The following NOTCH1 variants were observed in gnomAD, a reference collection of about 807,000 sequenced individuals.
NOTCH1 encodes notch receptor 1, also known as neurogenic locus notch homolog protein 1.
Under a neutral mutation model 254.8 loss-of-function variants are expected in NOTCH1, and 37 were observed. The observed-to-expected ratio is 0.15, with a 90% CI of 0.11 to 0.19. The LOEUF (loss-of-function observed/expected upper bound fraction) is 0.19. Ranked by LOEUF, NOTCH1 falls within the 10% of genes least tolerant of loss-of-function variation. The pLI, the probability that NOTCH1 is intolerant of heterozygous loss-of-function variation, is 1.00. For missense variants in NOTCH1, 2,972 were observed against 3,708.6 expected, an observed-to-expected ratio of 0.80 and a Z score of 5.16; for synonymous variants, 1,731 against 1,618.1, an observed-to-expected ratio of 1.07 and a Z score of -1.68.
intron 2 of NOTCH1, among the ~76,000 whole-genome samples, chr9:136,527,388 C>T (rs954331986): frequency 1.4e-4 from 22 of 152,236 alleles, no homozygotes; most frequent in Non-Finnish European, 2.8e-4. Flanking sequence ...GCTGTCCCGG[C>T]GGCCAGGTGG....
chr9:136,498,776 G>C, intron 33 of NOTCH1, 123 bp downstream of exon 33: 1 of 1,148,946 alleles, frequency 8.7e-7, no homozygotes, highest in African/African-American at 1.5e-5. Flanking sequence ...CCACATGCGG[G>C]CCCAGCGACC....
Position 136,495,732 on chromosome 9 carries a change from T to C in NOTCH1, c.*339A>G. The C allele has an allele frequency of 2.4e-6, 1 of 409,698 alleles. No individual in the cohort carries two copies. Among genetic ancestry groups the C allele is most frequent in the East Asian group, 3.5e-5 (1 of 28,832 alleles). 25.4% of individuals were successfully genotyped at this position (409,698 alleles called of 1,614,324 possible). ...AAGGAATCAATAAATAAATGGCATT[T>C]ATAAATCATGAATCTTTGTTTATAT... On this transcript the variant is annotated 3_prime_UTR_variant, in exon 34 of 34. Coordinates refer to ENST00000651671, the MANE Select transcript of NOTCH1 (RefSeq NM_017617.5).
rs760109648 is a variant in NOTCH1, at chr9:136,504,631, G to A, written c.5018+42C>T. 23 of 1,476,234 alleles carry A rather than the reference G, an allele frequency of 1.6e-5. No individual in the cohort carries two copies. The African/African-American group carries it at 3.1e-4, about 20-fold the overall frequency. The allele number at this position is 1,476,234 out of a possible 1,614,324, so 91.4% of individuals were successfully genotyped here. ...AGGGAGGCCGTCGGGGAGGGCCCAG[G>A]AGAGTTGCGGGGATTGACCGTGGGC... On this transcript the variant is annotated intron_variant, in intron 26 of 33. Transcript: ENST00000651671.
In NOTCH1 at chr9:136,517,291, G is replaced by C. The variant is rs771150144; in HGVS notation, c.1536C>G (p.Phe512Leu). 1 of 1,606,696 alleles carries C rather than the reference G, an allele frequency of 6.2e-7. No homozygotes were observed. Among genetic ancestry groups the C allele is most frequent in the South Asian group, 1.1e-5 (1 of 90,000 alleles). Residue 512 changes from phenylalanine to leucine, a missense_variant, in exon 9 of 34, where the codon TTC (phenylalanine) becomes TTG (leucine). Physicochemically the swap from Phe to Leu is conservative, Grantham distance 22. Coordinates refer to ENST00000651671, the MANE Select transcript of NOTCH1 (RefSeq NM_017617.5). ...CCTCACCCGTGGGGCACTCGCACTG[G>C]AACTCATTGATCTTGTCCAGGCAGC... ...NGRCLDKINE[F>L]QCECPTGFTG...
intron 2 of NOTCH1, among the ~76,000 whole-genome samples, chr9:136,534,775 G>A (rs1047091876): frequency 1.1e-4 from 17 of 152,012 alleles, no homozygotes; most frequent in South Asian, 4.1e-4. Context: ...AGGTGTGGAT[G>A]TCAGAGGCAA....
intron 30 of NOTCH1, among the ~76,000 whole-genome samples, chr9:136,501,267 C>T (rs919293287): frequency 1.3e-5 from 2 of 151,930 alleles, no homozygotes; most frequent in Non-Finnish European, 2.9e-5. Flanking sequence ...AACCCCATCG[C>T]TGCTAAAAAT....
At chr9:136,542,827 G>A (rs896079922) in intron 2 of NOTCH1, 3 of 152,192 alleles carry the variant, frequency 2.0e-5, no homozygotes, top group Non-Finnish European at 2.9e-5. Context: ...GGGGGCGGAG[G>A]GAACTCTTTT....
At chr9:136,531,824 G>A (rs1029936229) in intron 2 of NOTCH1, among the ~76,000 whole-genome samples, 6 of 152,240 alleles carry the variant, frequency 3.9e-5, no homozygotes, top group African/African-American at 7.2e-5. Flanking sequence ...CGATTCGGCC[G>A]CAGATGGACG....
chr9:136,527,833 G>A (rs557272308), intron 2 of NOTCH1, among the ~76,000 whole-genome samples: 18 of 152,258 alleles, frequency 1.2e-4, no homozygotes, highest in African/African-American at 4.1e-4. Flanking sequence ...GACTCCAGGA[G>A]GGCTGCGGGG....
At chr9:136,528,999 C>T (rs561561007) in intron 2 of NOTCH1, among the ~76,000 whole-genome samples, 49 of 152,310 alleles carry the variant, frequency 3.2e-4, no homozygotes, top group Admixed American at 2.8e-3. Flanking sequence ...GGCTTTCTGC[C>T]CAGAGGGGAG....
chr9:136,516,657 C>G (rs1202038133), intron 9 of NOTCH1, among the ~76,000 whole-genome samples: 7 of 152,110 alleles, frequency 4.6e-5, no homozygotes, highest in Non-Finnish European at 8.8e-5. Flanking sequence ...CAGCATCGAG[C>G]CCTCAGAAAG....
intron 2 of NOTCH1, among the ~76,000 whole-genome samples, chr9:136,526,583 G>A (rs1035327252): frequency 3.9e-5 from 6 of 152,148 alleles, no homozygotes; most frequent in African/African-American, 1.2e-4. Flanking sequence ...CTGGAGGTCC[G>A]AGCCCCTAGA....
rs1842907462 is a variant in NOTCH1, at chr9:136,495,983, C to A, written c.*88G>T. 7.3e-7 allele frequency: 1 copy of A among 1,378,924 alleles called. No homozygotes were observed. 85.4% of individuals were successfully genotyped at this position (1,378,924 alleles called of 1,614,324 possible). A position where few individuals can be genotyped will look rare whatever the true frequency, so the allele number is the denominator to read the frequency against. ...TATAAAAACATGTGTTTTAAAAAGGCTCCTCTGGTCGGCCCTGGCATCCAC... is the reference window on the plus strand; with the variant it reads ...TATAAAAACATGTGTTTTAAAAAGGATCCTCTGGTCGGCCCTGGCATCCAC... On this transcript the variant is annotated 3_prime_UTR_variant, in exon 34 of 34. Coordinates refer to ENST00000651671, the MANE Select transcript of NOTCH1 (RefSeq NM_017617.5).
intron 2 of NOTCH1, chr9:136,543,344 C>CG: frequency 4.3e-6 from 1 of 233,018 alleles, no homozygotes; most frequent in Non-Finnish European, 8.7e-6. Context: ...GGAGGTATCA[C>CG]CACCCAGAGG....
Position 136,540,999 on chromosome 9 carries a change from C to T in NOTCH1, c.140+3025G>A, listed in dbSNP as rs560466353. ...CAAAACAAAGAGAAAAAAGGTGGAG[C>T]CCTCTTCAGTACCCCTTGCTCACAC... is the stretch of plus-strand genomic sequence containing the variant. On this transcript the variant is annotated intron_variant, in intron 2 of 33. Coordinates refer to ENST00000651671, the MANE Select transcript of NOTCH1 (RefSeq NM_017617.5). This position sits in a 1 kb window ranked among gnomAD's most constrained non-coding sequence, Gnocchi z 4.4. 2.0e-5 allele frequency among the ~76,000 whole-genome samples: 3 copies of T among 152,302 alleles called. No individual in the cohort carries two copies. Among genetic ancestry groups the T allele is most frequent in the African/African-American group, 7.2e-5 (3 of 41,558 alleles).
chr9:136,507,418 C>A lies in NOTCH1; in HGVS notation c.3530G>T (p.Gly1177Val). ...YSCKCVAGYH[G>V]VNCSEEIDEC... ...GTCGATCTCCTCAGAGCAGTTCACC[C>A]CGTGGTAGCCGGCCACGCACTGTGC... The change falls in exon 22 of 34, where the codon GGG becomes GTG. Residue 1177 changes from glycine (G) to valine (V), a missense_variant. Coordinates refer to ENST00000651671, the MANE Select transcript of NOTCH1 (RefSeq NM_017617.5). The A allele has an allele frequency of 6.2e-7, 1 of 1,608,806 alleles. No homozygotes were observed. The highest frequency in any genetic ancestry group is 2.2e-5 in the East Asian group (1 of 44,668).
At chr9:136,544,906 G>A (rs1452382482) in intron 1 of NOTCH1, among the ~76,000 whole-genome samples, 2 of 152,180 alleles carry the variant, frequency 1.3e-5, no homozygotes, top group Non-Finnish European at 2.9e-5. Flanking sequence ...GCTGAGAAAC[G>A]GGGGAGGGGG....
rs1333021755 is a variant in NOTCH1 at position 136,515,973 on chromosome 9, G to A, written c.1669+8C>T. On this transcript the variant is annotated splice_region_variant and intron_variant, in intron 10 of 33. Coordinates refer to ENST00000651671, the MANE Select transcript of NOTCH1 (RefSeq NM_017617.5). ...AGTCCCTCCCCGCTGGTGGGCGCCA[G>A]CCCGCACCTTCCGTGCACACACAGG... is the stretch of plus-strand genomic sequence containing the variant. 1 of 1,604,852 alleles carries A rather than the reference G, an allele frequency of 6.2e-7. No individual in the cohort carries two copies. Among genetic ancestry groups the A allele is most frequent in the African/African-American group, 1.3e-5 (1 of 74,936 alleles).
chr9:136,502,568 G>T, intron 27 of NOTCH1, 80 bp from the exon 28 acceptor site: 2 of 895,454 alleles, frequency 2.2e-6, no homozygotes, highest in South Asian at 1.8e-5. Flanking sequence ...GGGGGCGGCG[G>T]ACTGGCTCCG....
Sources: allele counts gnomAD v4.1 joint callset (sites outside exome capture counted in the v4.1 genomes callset), GRCh38; gene constraint gnomAD v4.1.1; non-coding constraint Gnocchi (gnomAD v3.1); transcripts MANE v1.5; gene names NCBI Gene and HGNC (gene_info 2026-07-23, HGNC 2026-07-21).